The following CCDC88B variants were observed in gnomAD, a reference collection of about 807,000 sequenced individuals.
CCDC88B encodes the protein coiled-coil domain-containing protein 88B.
In CCDC88B, 138 loss-of-function variants were observed where a neutral mutation model predicts 183.7. The observed-to-expected ratio is 0.75, with a 90% CI of 0.65 to 0.87. The LOEUF (loss-of-function observed/expected upper bound fraction) is 0.87. Among genes scored for constraint, CCDC88B ranks in the 40% least tolerant of loss-of-function variants. The probability of loss-of-function intolerance (pLI) is 0.00; values close to 1 mark genes in which losing one functional copy is unlikely to be tolerated. For synonymous variants in CCDC88B, 835 were observed against 867.5 expected (o/e 0.96, Z 0.66); for missense variants, 1,822 against 1,965.6 (o/e 0.93, Z 1.38).
rs2036432804 is a variant in CCDC88B, at chr11:64,353,706, T to G, written c.3834-9T>G. The G allele has an allele frequency of 6.2e-7, 1 of 1,613,624 alleles. No individual in the cohort carries two copies. Among genetic ancestry groups the G allele is most frequent in the Non-Finnish European group, 8.5e-7 (1 of 1,179,860 alleles). On this transcript the variant is annotated splice_polypyrimidine_tract_variant and intron_variant, in intron 22 of 26. Coordinates refer to ENST00000356786, the MANE Select transcript of CCDC88B (RefSeq NM_032251.6). ...CTCACACCCACCTCTCCCTTCTCAC[T>G]CCTGCCAGGGACCAGCTTAATGCCC...
At chr11:64,341,223 TCTAC>T in intron 4 of CCDC88B, 43 bp from the exon 5 acceptor site, 1 of 1,613,860 alleles carries the variant, frequency 6.2e-7, no homozygotes, top group Non-Finnish European at 8.5e-7. Context: ...CCCGCACTAC[TCTAC>T]CTTCCCCGCC....
chr11:64,340,412 G>A (rs953729458), intron 1 of CCDC88B, 86 bp downstream of exon 1: 6 of 1,293,670 alleles, frequency 4.6e-6, no homozygotes, highest in Non-Finnish European at 6.1e-6. Context: ...GGAGGGTGAG[G>A]CAGAACCAGG....
chr11:64,347,292 A>G (rs144116768), intron 14 of CCDC88B, among the ~76,000 whole-genome samples: 36 of 152,290 alleles, frequency 2.4e-4, no homozygotes, highest in African/African-American at 8.4e-4. Context: ...AGGCTCCCCA[A>G]TGGGCAAAGT....
chr11:64,343,267 TGCACGAGACCCA>T lies in CCDC88B; in HGVS notation c.1154_1165del (p.His385_Gln388del). ...GCTGCCCGAGAGCGCTGCGCCCGGCTGCACGAGACCCAGCGCGAGAACCTGCTGCTGCGAACC... is the reference window on the plus strand; with the variant it reads ...GCTGCCCGAGAGCGCTGCGCCCGGCTGCGCGAGAACCTGCTGCTGCGAACC... On this transcript the variant is annotated inframe_deletion, in exon 11 of 27. Coordinates refer to ENST00000356786, the MANE Select transcript of CCDC88B (RefSeq NM_032251.6). The T allele has an allele frequency of 6.5e-7, 1 of 1,549,472 alleles. No homozygotes were observed. The highest frequency in any genetic ancestry group is 8.7e-7 in the Non-Finnish European group (1 of 1,146,766).
Position 64,342,514 on chromosome 11 carries a change from T to TGGCCCA in CCDC88B, c.906_911dup. The TGGCCCA allele has an allele frequency of 2.6e-6, 4 of 1,527,958 alleles. No homozygotes were observed. Among genetic ancestry groups the TGGCCCA allele is most frequent in the Non-Finnish European group, 2.6e-6 (3 of 1,141,976 alleles). The allele number at this position is 1,527,958 out of a possible 1,614,324, so 94.7% of individuals were successfully genotyped here. A position where few individuals can be genotyped will look rare whatever the true frequency, so the allele number is the denominator to read the frequency against. ...TGGCTGTTCCCAGCTCCACACCGTC[T>TGGCCCA]GGCCCAGGCCCAGGCGCTGTCGGGA... On this transcript the variant is annotated splice_polypyrimidine_tract_variant and splice_region_variant and intron_variant, in intron 9 of 26. Transcript: ENST00000356786.
At chr11:64,341,235 G>A (rs2035836088) in intron 4 of CCDC88B, 35 bp from the exon 5 acceptor site, 2 of 1,613,628 alleles carry the variant, frequency 1.2e-6, no homozygotes, top group Non-Finnish European at 1.7e-6. Flanking sequence ...TACCTTCCCC[G>A]CCCCAGTTAA....
chr11:64,352,741 C>T lies in CCDC88B; in HGVS notation c.3357-3C>T. 6.2e-7 allele frequency: 1 copy of T among 1,613,452 alleles called. No individual in the cohort carries two copies. The highest frequency in any genetic ancestry group is 8.5e-7 in the Non-Finnish European group (1 of 1,180,004). On this transcript the variant is annotated splice_region_variant and splice_polypyrimidine_tract_variant and intron_variant, in intron 19 of 26. Coordinates refer to ENST00000356786, the MANE Select transcript of CCDC88B (RefSeq NM_032251.6). ...AGCCCTCTTAGCCCCTTGTCCATCCCAGGCACGAGCAGCTGCAGGCCCAGC... is the reference window on the plus strand; with the variant it reads ...AGCCCTCTTAGCCCCTTGTCCATCCTAGGCACGAGCAGCTGCAGGCCCAGC...
chr11:64,343,815 G>A lies in CCDC88B; in HGVS notation c.1356G>A (p.Glu452=), dbSNP rs1420142849. Residue 452 remains glutamate (E), a synonymous_variant, in exon 13 of 27, where the codon GAG becomes GAA. Transcript: ENST00000356786. ...GAGCGGCCCCCTCGCTGCAAGATGAGGTGAGGGAGGCAGAGGCTGGGCGGC... is the reference window on the plus strand; with the variant it reads ...GAGCGGCCCCCTCGCTGCAAGATGAAGTGAGGGAGGCAGAGGCTGGGCGGC... ...LAGAAPSLQD[E]VREAEAGRLR... 2.5e-6 allele frequency: 4 copies of A among 1,593,346 alleles called. No homozygotes were observed. Among genetic ancestry groups the A allele is most frequent in the Non-Finnish European group, 2.6e-6 (3 of 1,170,238 alleles).
chr11:64,344,399 C>T lies in CCDC88B; in HGVS notation c.1858C>T (p.Leu620=), dbSNP rs759582174. The change falls in exon 14 of 27, where the codon CTG becomes TTG. Residue 620 remains leucine, a synonymous_variant. Coordinates refer to ENST00000356786, the MANE Select transcript of CCDC88B (RefSeq NM_032251.6). The surrounding 1 kb of genome is among the most constrained non-coding windows in gnomAD (Gnocchi z 4.5). ...GACCAAAATTCAGGCCCCGCAGTTGCTGGGAGGAGAGACAGAGGGAAGAGA... is the reference window on the plus strand; with the variant it reads ...GACCAAAATTCAGGCCCCGCAGTTGTTGGGAGGAGAGACAGAGGGAAGAGA... ...PGTKIQAPQL[L]GGETEGREAP... 1 of 1,586,172 alleles carries T rather than the reference C, an allele frequency of 6.3e-7. No homozygotes were observed. The highest frequency in any genetic ancestry group is 1.8e-5 in the Admixed American group (1 of 54,496).
chr11:64,354,025 C>T lies in CCDC88B; in HGVS notation c.3954C>T (p.Asp1318=). Residue 1318 remains aspartate (D), a synonymous_variant, in exon 24 of 27, where the codon GAC becomes GAT. Coordinates refer to ENST00000356786, the MANE Select transcript of CCDC88B (RefSeq NM_032251.6). The part of the protein sequence containing the change: ...PRTKKGSWLA[D]KVKRLMRPRR... ...CCAGGAAGGGCAGCTGGCTGGCAGA[C>T]AAGGTGAAGAGGCTGATGCGGCCCC... 6.7e-7 allele frequency: 1 copy of T among 1,484,712 alleles called. No individual in the cohort carries two copies. Among genetic ancestry groups the T allele is most frequent in the Non-Finnish European group, 9.0e-7 (1 of 1,113,360 alleles). The allele number at this position is 1,484,712 out of a possible 1,614,324, so 92.0% of individuals were successfully genotyped here.
intron 7 of CCDC88B, 75 bp downstream of exon 7, chr11:64,341,817 G>T: frequency 1.3e-6 from 2 of 1,530,150 alleles, no homozygotes. Flanking sequence ...GTGCAAGGGA[G>T]ATGGAAGTTT....
Position 64,355,590 on chromosome 11 carries a change from A to C in CCDC88B, c.4337A>C (p.Glu1446Ala). The C allele has an allele frequency of 6.2e-7, 1 of 1,612,756 alleles. No individual in the cohort carries two copies. The highest frequency in any genetic ancestry group is 8.5e-7 in the Non-Finnish European group (1 of 1,179,594). Reference protein sequence around the residue: ...GPGVGWENSAETLQEHETDAN... With the variant: ...GPGVGWENSAATLQEHETDAN... ...GGTGTGGGATGGGAGAACTCCGCTGAGACCCTGCAGGAACACGAAACAGAT... is the reference window on the plus strand; with the variant it reads ...GGTGTGGGATGGGAGAACTCCGCTGCGACCCTGCAGGAACACGAAACAGAT... The change falls in exon 26 of 27, where the codon GAG becomes GCG. Residue 1446 changes from glutamate to alanine, a missense_variant. By Grantham distance (107) the Glu-to-Ala change is moderately radical (BLOSUM62 -1). Coordinates refer to ENST00000356786, the MANE Select transcript of CCDC88B (RefSeq NM_032251.6).
chr11:64,355,557 C>A lies in CCDC88B; in HGVS notation c.4307-3C>A, dbSNP rs764715456. On this transcript the variant is annotated splice_polypyrimidine_tract_variant and splice_region_variant and intron_variant, in intron 25 of 26. Coordinates refer to ENST00000356786, the MANE Select transcript of CCDC88B (RefSeq NM_032251.6). ...GGCCCAGTGGTTGCCTTGTGCCTCC[C>A]AGGACCTGGTGTGGGATGGGAGAAC... 1.2e-6 allele frequency: 2 copies of A among 1,613,060 alleles called. No individual in the cohort carries two copies. Among genetic ancestry groups the A allele is most frequent in the Admixed American group, 3.3e-5 (2 of 59,910 alleles).
chr11:64,346,250 T>C (rs1021208196), intron 14 of CCDC88B, among the ~76,000 whole-genome samples: 4 of 151,734 alleles, frequency 2.6e-5, no homozygotes, highest in Non-Finnish European at 5.9e-5. Context: ...GGCATGGGAG[T>C]GGGTGTGAGA....
Position 64,342,580 on chromosome 11 carries a change from C to T in CCDC88B, c.962C>T (p.Ala321Val), listed in dbSNP as rs968967449. 6.5e-7 allele frequency: 1 copy of T among 1,531,272 alleles called. No individual in the cohort carries two copies. Among genetic ancestry groups the T allele is most frequent in the South Asian group, 1.2e-5 (1 of 83,742 alleles). 94.9% of individuals were successfully genotyped at this position (1,531,272 alleles called of 1,614,324 possible). Residue 321 changes from alanine to valine, a missense_variant, in exon 10 of 27, where the codon GCG becomes GTG. Physicochemically the swap from Ala to Val is moderately conservative, Grantham distance 64. Coordinates refer to ENST00000356786, the MANE Select transcript of CCDC88B (RefSeq NM_032251.6). ...RAELYREEAEALRERAGRLPR... is the reference protein window; with the variant it reads ...RAELYREEAEVLRERAGRLPR... ...GAGCTGTACCGCGAGGAGGCAGAGGCGCTGCGGGAGCGGGCCGGCCGCCTG... is the reference window on the plus strand; with the variant it reads ...GAGCTGTACCGCGAGGAGGCAGAGGTGCTGCGGGAGCGGGCCGGCCGCCTG...
chr11:64,344,350 T>C lies in CCDC88B; in HGVS notation c.1809T>C (p.Ser603=), dbSNP rs370467398. ...GATCCTCTCTCCAGAGCCCTGCCTC[T>C]GTGGCCCCACCTCAGGGTCCAGGGA... The part of the protein sequence containing the change: ...GRRSSLQSPA[S]VAPPQGPGTK... The change falls in exon 14 of 27, where the codon TCT becomes TCC. Residue 603 remains serine, a synonymous_variant. Coordinates refer to ENST00000356786, the MANE Select transcript of CCDC88B (RefSeq NM_032251.6). This position sits in a 1 kb window ranked among gnomAD's most constrained non-coding sequence, Gnocchi z 4.5. 1.1e-5 allele frequency: 17 copies of C among 1,597,346 alleles called. No individual in the cohort carries two copies. The highest frequency in any genetic ancestry group is 1.7e-4 in the Middle Eastern group (1 of 5,982).
At chr11:64,342,912 G>C in intron 10 of CCDC88B, 1 of 476,272 alleles carries the variant, frequency 2.1e-6, no homozygotes, top group Non-Finnish European at 3.7e-6. Context: ...CTTGGAAGGA[G>C]GGCTGTTCCC....
In CCDC88B at chr11:64,340,572, C is replaced by T. The variant is rs537799556; in HGVS notation, c.61-35C>T. On this transcript the variant is annotated intron_variant, in intron 1 of 26. Transcript: ENST00000356786. ...AGGTCGGAGGGGCTCAGGGTTCACTCTGCTGGTCGGCTGACCCCTCTGGGC... is the reference window on the plus strand; with the variant it reads ...AGGTCGGAGGGGCTCAGGGTTCACTTTGCTGGTCGGCTGACCCCTCTGGGC... 8.8e-6 allele frequency: 14 copies of T among 1,593,164 alleles called. No homozygotes were observed. The Admixed American group carries it at 2.4e-4, about 27-fold the overall frequency.
rs2036325350 is a variant in CCDC88B, at chr11:64,351,394, A to G, written c.2959-82A>G. On this transcript the variant is annotated intron_variant, in intron 17 of 26. Coordinates refer to ENST00000356786, the MANE Select transcript of CCDC88B (RefSeq NM_032251.6). ...GTGGGCCCGGGGGTGGGGGTGCCCCATGCAGTGTGAGTGTGGGCCTGTGGT... is the reference window on the plus strand; with the variant it reads ...GTGGGCCCGGGGGTGGGGGTGCCCCGTGCAGTGTGAGTGTGGGCCTGTGGT... The G allele has an allele frequency of 2.6e-6, 4 of 1,534,920 alleles. No individual in the cohort carries two copies. The Admixed American group carries it at 7.8e-5, about 30-fold the overall frequency.
Sources: allele counts gnomAD v4.1 joint callset (sites outside exome capture counted in the v4.1 genomes callset), GRCh38; gene constraint gnomAD v4.1.1; non-coding constraint Gnocchi (gnomAD v3.1); transcripts MANE v1.5; gene names NCBI Gene and HGNC (gene_info 2026-07-23, HGNC 2026-07-21).